The following KIAA1549L variants were observed in gnomAD, a reference collection of about 807,000 sequenced individuals.
KIAA1549L encodes KIAA1549 like.
KIAA1549L carries 88 observed loss-of-function variants against 160.7 expected under a neutral mutation model. That is an observed-to-expected ratio of 0.55 (90% CI 0.46 to 0.65). KIAA1549L has a LOEUF of 0.65. Ranked by LOEUF, KIAA1549L falls within the 30% of genes least tolerant of loss-of-function variation. KIAA1549L has a pLI of 0.00. For missense variants in KIAA1549L, 2,258 were observed against 2,437.5 expected, an observed-to-expected ratio of 0.93 and a Z score of 1.55; for synonymous variants, 950 against 976.7, an observed-to-expected ratio of 0.97 and a Z score of 0.51.
chr11:33,426,857 C>T (rs1032985168), intron 1 of KIAA1549L, among the ~76,000 whole-genome samples: 1 of 152,152 alleles, frequency 6.6e-6, no homozygotes, highest in Non-Finnish European at 1.5e-5. Flanking sequence ...GATCTGGCCC[C>T]TCCATTATCA....
chr11:33,664,391 C>G (rs1267661353), intron 20 of KIAA1549L, among the ~76,000 whole-genome samples: 1 of 152,190 alleles, frequency 6.6e-6, no homozygotes, highest in Non-Finnish European at 1.5e-5. Context: ...CCTGCCTTCT[C>G]AGGAGGGATC....
chr11:33,611,264 G>A (rs1590395984), intron 15 of KIAA1549L, among the ~76,000 whole-genome samples: 1 of 152,000 alleles, frequency 6.6e-6, no homozygotes, highest in African/African-American at 2.4e-5. Context: ...CTCCCACCCC[G>A]ACATGCCACA....
At chr11:33,497,088 C>T (rs1364229683) in intron 1 of KIAA1549L, among the ~76,000 whole-genome samples, 1 of 152,060 alleles carries the variant, frequency 6.6e-6, no homozygotes, top group Non-Finnish European at 1.5e-5. Context: ...CCTTCCCTGG[C>T]CCCCCAATTT....
intron 1 of KIAA1549L, among the ~76,000 whole-genome samples, chr11:33,493,229 T>G (rs1285891805): frequency 6.6e-6 from 1 of 152,050 alleles, no homozygotes; most frequent in African/African-American, 2.4e-5. Context: ...GAGGAGGGGC[T>G]CCAACCCTCA....
intron 1 of KIAA1549L, among the ~76,000 whole-genome samples, chr11:33,524,069 T>C (rs1025519247): frequency 6.6e-5 from 10 of 152,142 alleles, no homozygotes; most frequent in Non-Finnish European, 1.5e-4. Context: ...ATTACCTATT[T>C]AAAAAAATAA....
intron 1 of KIAA1549L, among the ~76,000 whole-genome samples, chr11:33,435,768 A>ATGTG (rs1565135659): frequency 1.6e-4 from 1 of 6,196 alleles, no homozygotes; most frequent in African/African-American, 9.5e-4. Flanking sequence ...AGATATATAT[A>ATGTG]TATATATATA....
Position 33,673,643 on chromosome 11 carries a change from C to T in KIAA1549L, c.*5489C>T, listed in dbSNP as rs1590480891. 6.6e-6 allele frequency: 1 copy of T among 152,320 alleles called. No homozygotes were observed. The highest frequency in any genetic ancestry group is 1.5e-5 in the Non-Finnish European group (1 of 68,036). The allele number at this position is 152,320 out of a possible 1,614,324, so 9.4% of individuals were successfully genotyped here. On this transcript the variant is annotated 3_prime_UTR_variant, in exon 21 of 21. Transcript: ENST00000658780. ...AAATGGCTTGACAAGCACTTGAAGC[C>T]ATTCTTACTAAATTATTAGTTTTGT...
intron 1 of KIAA1549L, among the ~76,000 whole-genome samples, chr11:33,390,509 AT>A (rs1357724811): frequency 5.9e-5 from 9 of 152,210 alleles, no homozygotes; most frequent in African/African-American, 2.2e-4. Context: ...CCAGTTCCAC[AT>A]TCCCATGAGG....
At chr11:33,436,281 A>G (rs2615903) in intron 1 of KIAA1549L, among the ~76,000 whole-genome samples, 25,692 of 152,164 alleles carry the variant, frequency 0.17, 2,635 homozygotes, top group East Asian at 0.32. Flanking sequence ...GGCTCACGCA[A>G]TTATGGAGAT....
intron 1 of KIAA1549L, among the ~76,000 whole-genome samples, chr11:33,505,880 T>A (rs1435708051): frequency 6.6e-6 from 1 of 152,212 alleles, no homozygotes; most frequent in East Asian, 1.9e-4. Context: ...TATACGATAA[T>A]AATCGATTAT....
chr11:33,410,540 C>T (rs1211217978), intron 1 of KIAA1549L, among the ~76,000 whole-genome samples: 1 of 152,200 alleles, frequency 6.6e-6, no homozygotes, highest in Non-Finnish European at 1.5e-5. Flanking sequence ...GAACCACCTG[C>T]CTCAGTCCAT....
At chr11:33,650,110 G>T (rs191492606) in intron 17 of KIAA1549L, among the ~76,000 whole-genome samples, 4 of 152,248 alleles carry the variant, frequency 2.6e-5, no homozygotes, top group African/African-American at 9.6e-5. Flanking sequence ...GGTCCAGCTC[G>T]CAGGAGTCCT....
intron 16 of KIAA1549L, 92 bp from the exon 17 acceptor site, chr11:33,645,594 C>A: frequency 1.1e-6 from 1 of 927,158 alleles, no homozygotes. Flanking sequence ...TGCATCCTAG[C>A]ACCTGTCCAA....
chr11:33,543,935 A>T lies in KIAA1549L; in HGVS notation c.2372A>T (p.Asp791Val), dbSNP rs755736839. Residue 791 changes from aspartate to valine, a missense_variant, in exon 2 of 21, where the codon GAC becomes GTC. Physicochemically the swap from Asp to Val is radical, Grantham distance 152. This residue lies in a region of KIAA1549L where 287 missense variants were observed against 292.3 expected (regional missense o/e 0.98). Transcript: ENST00000658780. ...ATTGAGCAGCCTGTGCAACAGTCAG[A>T]CATGACCATGGTTGGAAGCCATATA... ...TSIEQPVQQS[D>V]MTMVGSHIDL... 6.2e-7 allele frequency: 1 copy of T among 1,614,036 alleles called. No homozygotes were observed. The highest frequency in any genetic ancestry group is 1.7e-5 in the Admixed American group (1 of 60,020).
rs376877164 is a variant in KIAA1549L, at chr11:33,559,824, G to A, written c.3931G>A (p.Gly1311Ser). The A allele has an allele frequency of 5.0e-6, 8 of 1,613,864 alleles. No individual in the cohort carries two copies. Among genetic ancestry groups the A allele is most frequent in the Admixed American group, 3.3e-5 (2 of 60,006 alleles). ...GGGCAATCAGAGCACATTCCTCAACGGCACCGTCGCCAGCAGCCTCCTCAG... is the reference window on the plus strand; with the variant it reads ...GGGCAATCAGAGCACATTCCTCAACAGCACCGTCGCCAGCAGCCTCCTCAG... ...VVGNQSTFLN[G>S]TVASSLLSQL... Residue 1311 changes from glycine (G) to serine (S), a missense_variant, in exon 7 of 21, where the codon GGC becomes AGC. Transcript: ENST00000658780.
chr11:33,444,188 T>G (rs1277382439), intron 1 of KIAA1549L, among the ~76,000 whole-genome samples: 1 of 152,246 alleles, frequency 6.6e-6, no homozygotes, highest in East Asian at 1.9e-4. Flanking sequence ...CACAATAGAA[T>G]GAAATATTAT....
intron 1 of KIAA1549L, among the ~76,000 whole-genome samples, chr11:33,527,038 AG>A (rs1431537102): frequency 1.3e-5 from 2 of 152,230 alleles, no homozygotes; most frequent in African/African-American, 4.8e-5. Flanking sequence ...AATAGAATCA[AG>A]CAAGTAGAAG....
In KIAA1549L at chr11:33,495,201, G is replaced by A. The variant is rs183211969; in HGVS notation, c.239-46601G>A. ...GCAGGTTAGTTACATATGTATACAT[G>A]TGCCATGCTGGTGCGCTGCACCCAC... On this transcript the variant is annotated intron_variant, in intron 1 of 20. Coordinates refer to ENST00000658780, the MANE Select transcript of KIAA1549L (RefSeq NM_012194.3). 4.8e-3 allele frequency among the ~76,000 whole-genome samples: 737 copies of A among 151,970 alleles called. 9 individuals carry two copies. The highest frequency in any genetic ancestry group is 0.017 in the African/African-American group (711 of 41,394).
intron 1 of KIAA1549L, among the ~76,000 whole-genome samples, chr11:33,439,632 C>T (rs1397540030): frequency 2.1e-5 from 3 of 144,950 alleles, no homozygotes; most frequent in African/African-American, 2.6e-5. Flanking sequence ...AGGATGGTCT[C>T]GATCTCCTGA....
Sources: allele counts gnomAD v4.1 joint callset (sites outside exome capture counted in the v4.1 genomes callset), GRCh38; gene constraint gnomAD v4.1.1; regional missense constraint gnomAD v4.1.1; transcripts MANE v1.5; gene names NCBI Gene and HGNC (gene_info 2026-07-23, HGNC 2026-07-21).